Variants in PCDHA5 observed in about 807,000 individuals in gnomAD.
PCDHA5 encodes the protein protocadherin alpha 5, also known as protocadherin alpha-5.
PCDHA5 carries 43 observed loss-of-function variants against 61.6 expected under a neutral mutation model. That is an observed-to-expected ratio of 0.70 (90% CI 0.55 to 0.90). The LOEUF (loss-of-function observed/expected upper bound fraction) is 0.90, where lower values mean the gene tolerates loss of function less well. PCDHA5 is among the 40% of genes least tolerant of loss of function. The pLI is 0.00. For synonymous variants in PCDHA5, 627 were observed against 543.9 expected, an observed-to-expected ratio of 1.15 and a Z score of -2.13; for missense variants, 1,298 against 1,222.7, an observed-to-expected ratio of 1.06 and a Z score of -0.92.
chr5:140,916,165 G>A (rs567070534), intron 1 of PCDHA5, among the ~76,000 whole-genome samples: 1 of 152,224 alleles, frequency 6.6e-6, no homozygotes, highest in East Asian at 1.9e-4. Context: ...AATGCTGCCA[G>A]GCCTGGGACT....
chr5:141,007,200 G>T (rs1437076735), intron 3 of PCDHA5, among the ~76,000 whole-genome samples: 2 of 152,010 alleles, frequency 1.3e-5, no homozygotes, highest in Admixed American at 6.6e-5. Context: ...GATGGTGGGG[G>T]CCAGAATATG....
chr5:140,852,533 C>G (rs2150517773), intron 1 of PCDHA5: 2 of 491,290 alleles, frequency 4.1e-6, no homozygotes, highest in East Asian at 2.9e-4. Context: ...ACCTCGGCCT[C>G]CCAAAGTGCT....
intron 1 of PCDHA5, among the ~76,000 whole-genome samples, chr5:140,912,282 C>A (rs1211433751): frequency 6.6e-6 from 1 of 151,982 alleles, no homozygotes; most frequent in African/African-American, 2.4e-5. Flanking sequence ...TACCCAGGAA[C>A]AATACTTTGC....
At chr5:140,914,964 T>A (rs1328203928) in intron 1 of PCDHA5, among the ~76,000 whole-genome samples, 18 of 131,662 alleles carry the variant, frequency 1.4e-4, no homozygotes, top group Non-Finnish European at 3.0e-4. Context: ...TTTTTTTTTC[T>A]GAGTCAGAGT....
intron 1 of PCDHA5, chr5:140,869,664 G>T: frequency 6.2e-7 from 1 of 1,613,474 alleles, no homozygotes; most frequent in Non-Finnish European, 8.5e-7. Flanking sequence ...CAAATGGTAA[G>T]CAGATTAAAA....
rs376026810 is a variant in PCDHA5 at position 140,944,280 on chromosome 5, C to T, written c.2353-34669C>T. 2.0e-4 allele frequency among the ~76,000 whole-genome samples: 31 copies of T among 152,226 alleles called. 1 individual carries two copies. The South Asian group carries it at 2.9e-3, about 14-fold the overall frequency. Reference sequence around the variant, plus strand: ...ACTGCTCACTGCAGCCTTGACACCCCGGGCTCAAGCGATCCTCCTACCTCA... The same window carrying T: ...ACTGCTCACTGCAGCCTTGACACCCTGGGCTCAAGCGATCCTCCTACCTCA... On this transcript the variant is annotated intron_variant, in intron 1 of 3. Coordinates refer to ENST00000529859, the MANE Select transcript of PCDHA5 (RefSeq NM_018908.3).
intron 1 of PCDHA5, among the ~76,000 whole-genome samples, chr5:140,838,075 A>AGTGTG (rs781914509): frequency 3.7e-4 from 47 of 128,236 alleles, no homozygotes; most frequent in East Asian, 1.2e-3. Context: ...TTATATATAT[A>AGTGTG]TAGTGTGTGT....
intron 1 of PCDHA5, chr5:140,878,069 T>C: frequency 5.3e-6 from 2 of 379,294 alleles, no homozygotes; most frequent in East Asian, 5.0e-5. Flanking sequence ...ATATTTTTCT[T>C]TTTCTATAAT....
At chr5:140,881,393 A>T (rs1216651655) in intron 1 of PCDHA5, 1 of 979,528 alleles carries the variant, frequency 1.0e-6, no homozygotes, top group African/African-American at 1.8e-5. Context: ...GGTAAGTTAA[A>T]TTCTATTAAA....
rs565095262 is a variant in PCDHA5, at chr5:140,873,057, T to C, written c.2352+48930T>C. 8.5e-4 allele frequency among the ~76,000 whole-genome samples: 129 copies of C among 152,336 alleles called. 1 individual carries two copies. Among genetic ancestry groups the C allele is most frequent in the Middle Eastern group, 3.4e-3 (1 of 294 alleles). ...TAGAGTGGTGGTATTACAGACTTTC[T>C]TGAGAATCATATCTAGCTATTTCCC... On this transcript the variant is annotated intron_variant, in intron 1 of 3. Transcript: ENST00000529859.
chr5:140,966,674 G>T, intron 1 of PCDHA5: 1 of 1,295,168 alleles, frequency 7.7e-7, no homozygotes, highest in Admixed American at 3.8e-5. Flanking sequence ...GGCGCAGGGT[G>T]GCACGAGCGG....
intron 1 of PCDHA5, chr5:140,871,141 C>G: frequency 6.2e-7 from 1 of 1,613,438 alleles, no homozygotes; most frequent in Non-Finnish European, 8.5e-7. Context: ...GGCCTCTTCC[C>G]GGACTTTGGC....
intron 1 of PCDHA5, among the ~76,000 whole-genome samples, chr5:140,915,626 G>C (rs928151112): frequency 6.1e-5 from 9 of 146,436 alleles, no homozygotes; most frequent in East Asian, 4.1e-4. Flanking sequence ...GTCTCTTTCT[G>C]TCTCTCTCTC....
In PCDHA5 at chr5:140,919,817, T is replaced by C. The variant is rs889103078; in HGVS notation, c.2353-59132T>C. Among the ~76,000 whole-genome samples the C allele has an allele frequency of 4.6e-5, 7 of 152,350 alleles. No homozygotes were observed. In the South Asian group the frequency reaches 1.0e-3, roughly 23 times the overall value. On this transcript the variant is annotated intron_variant, in intron 1 of 3. Coordinates refer to ENST00000529859, the MANE Select transcript of PCDHA5 (RefSeq NM_018908.3). ...TGGATTGAATTGTGGGCCTCAAAAA[T>C]ATATGTCCACATAGTAACCTTTGGA...
intron 1 of PCDHA5, among the ~76,000 whole-genome samples, chr5:140,925,297 A>G (rs572435227): frequency 6.6e-6 from 1 of 152,246 alleles, no homozygotes; most frequent in Non-Finnish European, 1.5e-5. Context: ...ATGTTTCATT[A>G]TTGGGGCTTT....
chr5:140,884,339 G>C, intron 1 of PCDHA5: 1 of 1,613,906 alleles, frequency 6.2e-7, no homozygotes, highest in African/African-American at 1.3e-5. Flanking sequence ...GGGTCCAGAA[G>C]CGGCGCTGGT....
At chr5:140,863,712 G>A (rs2048130795) in intron 1 of PCDHA5, 1 of 282,034 alleles carries the variant, frequency 3.5e-6, no homozygotes, top group East Asian at 9.1e-5. Flanking sequence ...AAGTACACTG[G>A]GGCCGGGTGC....
In PCDHA5 at chr5:140,843,124, G is replaced by C. The variant is rs200664126; in HGVS notation, c.2352+18997G>C. 20 of 1,595,754 alleles carry C rather than the reference G, an allele frequency of 1.3e-5. 2 individuals are homozygous for C. Among genetic ancestry groups the C allele is most frequent in the South Asian group, 7.7e-5 (7 of 90,518 alleles). On this transcript the variant is annotated intron_variant, in intron 1 of 3. Transcript: ENST00000529859. ...AGGTGCGCGCAGTGGACGCCGACTC[G>C]GGCTACAACGCGTGGCTTTCGTATG...
In PCDHA5 at chr5:140,883,991, G is replaced by A. The variant is rs1475054823; in HGVS notation, c.2352+59864G>A. ...GACGCCCGGGGCTGGCAGCGCGGGA[G>A]GCACAGTGAGCGAGCTGATGCCGCG... On this transcript the variant is annotated intron_variant, in intron 1 of 3. Transcript: ENST00000529859. 2 of 1,612,972 alleles carry A rather than the reference G, an allele frequency of 1.2e-6. No individual in the cohort carries two copies. The highest frequency in any genetic ancestry group is 2.2e-5 in the East Asian group (1 of 44,862).
Sources: allele counts gnomAD v4.1 joint callset (sites outside exome capture counted in the v4.1 genomes callset), GRCh38; gene constraint gnomAD v4.1.1; transcripts MANE v1.5; gene names NCBI Gene and HGNC (gene_info 2026-07-23, HGNC 2026-07-21).